Variants in MTHFD2L observed in about 807,000 individuals in gnomAD.
The protein encoded by MTHFD2L is methylenetetrahydrofolate dehydrogenase (NADP+ dependent) 2 like.
MTHFD2L carries 29 observed loss-of-function variants against 34.9 expected under a neutral mutation model. The observed-to-expected ratio is 0.83, with a 90% CI of 0.62 to 1.13. The LOEUF (loss-of-function observed/expected upper bound fraction) is 1.13, where lower values mean the gene tolerates loss of function less well. Among genes scored for constraint, MTHFD2L ranks in the 50% most tolerant of loss-of-function variants. The pLI is 0.00. For missense variants in MTHFD2L, 481 were observed against 446.5 expected, an observed-to-expected ratio of 1.08 and a Z score of -0.70; for synonymous variants, 167 against 155.7, an observed-to-expected ratio of 1.07 and a Z score of -0.54.
chr4:74,179,739 A>G (rs538222647), intron 3 of MTHFD2L, among the ~76,000 whole-genome samples: 5 of 152,270 alleles, frequency 3.3e-5, no homozygotes, highest in African/African-American at 1.2e-4. Context: ...TGTACCTTAA[A>G]CATTGTGTTA....
At chr4:74,162,963 T>G (rs896975741) in intron 1 of MTHFD2L, among the ~76,000 whole-genome samples, 1 of 152,222 alleles carries the variant, frequency 6.6e-6, no homozygotes, top group African/African-American at 2.4e-5. Flanking sequence ...ATTTTAAAAT[T>G]ATTTTGTTAG....
At chr4:74,216,038 T>G (rs1737162713) in intron 5 of MTHFD2L, among the ~76,000 whole-genome samples, 1 of 151,580 alleles carries the variant, frequency 6.6e-6, no homozygotes. Context: ...TCAATAAAAA[T>G]AAAACATTTT....
At chr4:74,181,662 A>G (rs148002994) in intron 3 of MTHFD2L, 14 of 152,226 alleles carry the variant, frequency 9.2e-5, no homozygotes, top group Admixed American at 2.6e-4. Flanking sequence ...GGTAAACTCT[A>G]TCTATTTCAA....
At chr4:74,262,621 A>C (rs1306748278) in intron 6 of MTHFD2L, among the ~76,000 whole-genome samples, 1 of 152,032 alleles carries the variant, frequency 6.6e-6, no homozygotes, top group Non-Finnish European at 1.5e-5. Context: ...ACATGTAAAA[A>C]TTGCTCAATG....
At chr4:74,238,512 G>A (rs1181328921) in intron 6 of MTHFD2L, among the ~76,000 whole-genome samples, 3 of 152,126 alleles carry the variant, frequency 2.0e-5, no homozygotes, top group Non-Finnish European at 4.4e-5. Flanking sequence ...TAATTAAAGA[G>A]CTTCTGCACA....
At chr4:74,193,312 A>G (rs566948020) in intron 3 of MTHFD2L, among the ~76,000 whole-genome samples, 3 of 152,108 alleles carry the variant, frequency 2.0e-5, no homozygotes, top group East Asian at 3.9e-4. Context: ...CCATTGATCT[A>G]TTTGTCTGTT....
chr4:74,262,779 T>C (rs1744835540), intron 6 of MTHFD2L, among the ~76,000 whole-genome samples: 1 of 151,984 alleles, frequency 6.6e-6, no homozygotes, highest in South Asian at 2.1e-4. Flanking sequence ...GATGAAGTTA[T>C]GCTTTATTAT....
At chr4:74,203,698 T>A (rs1259793607) in intron 5 of MTHFD2L, among the ~76,000 whole-genome samples, 1 of 152,060 alleles carries the variant, frequency 6.6e-6, no homozygotes, top group Non-Finnish European at 1.5e-5. Context: ...CCAAGGGAGA[T>A]GGTGTTAAAT....
At position 74,140,944 on chromosome 4, in the gene MTHFD2L, C is replaced by T. The variant is rs139220692; in HGVS notation, c.-297+15427C>T. On this transcript the variant is annotated intron_variant, in intron 1 of 7. Coordinates refer to the MTHFD2L transcript ENST00000433372. ...TTACAAAATGAGATTTGAGTGGGAACGCAGCCAAACCACATCAGGCATGAA... is the reference window on the plus strand; with the variant it reads ...TTACAAAATGAGATTTGAGTGGGAATGCAGCCAAACCACATCAGGCATGAA... 2.1e-3 allele frequency among the ~76,000 whole-genome samples: 324 copies of T among 152,256 alleles called. 2 individuals carry two copies. The highest frequency in any genetic ancestry group is 2.7e-3 in the Non-Finnish European group (186 of 68,030).
chr4:74,248,640 A>G (rs2110192125), intron 6 of MTHFD2L, among the ~76,000 whole-genome samples: 1 of 149,148 alleles, frequency 6.7e-6, no homozygotes, highest in Non-Finnish European at 1.5e-5. Context: ...TTCCCTCTAC[A>G]CACTGCTTTG....
rs1734107312 is a variant in MTHFD2L at position 74,199,824 on chromosome 4, G to GTTCCC, written c.482_483insTTCCC (p.Ile162SerfsTer9). ...GTTGATGAGCGAACAATATGCAATG[G>GTTCCC]AATTGCCCCAGAAAAAGATGTAGAT... On this transcript the variant is annotated frameshift_variant, in exon 4 of 8. Transcript: ENST00000325278. LOFTEE classifies it high-confidence loss of function. 6.2e-7 allele frequency: 1 copy of GTTCCC among 1,612,262 alleles called. No individual in the cohort carries two copies.
At chr4:74,166,784 T>C (rs1266649565) in intron 1 of MTHFD2L, among the ~76,000 whole-genome samples, 1 of 152,204 alleles carries the variant, frequency 6.6e-6, no homozygotes, top group African/African-American at 2.4e-5. Flanking sequence ...TAGAAACTCA[T>C]GGACCCACAC....
chr4:74,198,108 A>T (rs940867115), intron 3 of MTHFD2L, among the ~76,000 whole-genome samples: 3 of 152,180 alleles, frequency 2.0e-5, no homozygotes, highest in Non-Finnish European at 4.4e-5. Flanking sequence ...ACAAACCAAA[A>T]TGGTGATCTG....
In MTHFD2L at chr4:74,229,463, A is replaced by G. The variant is rs182770846; in HGVS notation, c.805+4069A>G. ...GAGAATGTCAGCATATATGGAAACA[A>G]CCTCATCTAGGAGAACTCAGGGTAG... On this transcript the variant is annotated intron_variant, in intron 6 of 7. Transcript: ENST00000325278. 7.0e-4 allele frequency among the ~76,000 whole-genome samples: 107 copies of G among 152,198 alleles called. 3 individuals carry two copies. In the East Asian group the frequency reaches 0.019, roughly 27 times the overall value.
At chr4:74,126,660 C>T (rs1016336694) in intron 1 of MTHFD2L, among the ~76,000 whole-genome samples, 2 of 151,886 alleles carry the variant, frequency 1.3e-5, no homozygotes, top group Non-Finnish European at 2.9e-5. Flanking sequence ...TAAGAAGCAC[C>T]CCCTACCAGT....
At chr4:74,157,639 C>T, upstream of MTHFD2L, 1 of 456,808 alleles carries the variant, frequency 2.2e-6, no homozygotes, top group South Asian at 1.5e-5. Flanking sequence ...TCTCCACACA[C>T]CTTTGTTCTT....
At chr4:74,180,722 G>T (rs535846088) in intron 3 of MTHFD2L, 5 of 452,892 alleles carry the variant, frequency 1.1e-5, no homozygotes, top group African/African-American at 2.0e-5. Flanking sequence ...TGAAATGCTC[G>T]GGATATAAGA....
chr4:74,178,878 C>T (rs1729559860), intron 3 of MTHFD2L, among the ~76,000 whole-genome samples: 1 of 151,964 alleles, frequency 6.6e-6, no homozygotes, highest in Non-Finnish European at 1.5e-5. Context: ...CATAGAGTTG[C>T]TAAGTAACTG....
At chr4:74,148,313 G>T (rs1267901262) in intron 1 of MTHFD2L, among the ~76,000 whole-genome samples, 1 of 9,492 alleles carries the variant, frequency 1.1e-4, no homozygotes, top group African/African-American at 2.2e-4. Flanking sequence ...GGCTATTTGT[G>T]GTCCCCCCCT....
Sources: gnomAD v4.1 joint callset for allele counts (sites outside exome capture counted in the v4.1 genomes callset) on GRCh38, gnomAD v4.1.1 for gene constraint, MANE v1.5 for transcripts, NCBI Gene and HGNC (gene_info 2026-07-23, HGNC 2026-07-21) for gene names.